Variants in VCL observed in about 807,000 individuals in gnomAD.
VCL encodes vinculin.
In VCL, 47 loss-of-function variants were observed where a neutral mutation model predicts 125.7. The ratio of observed to expected loss-of-function variants is 0.37; its 90% CI spans 0.30 to 0.48. The LOEUF is 0.48. VCL is among the 20% of genes least tolerant of loss of function. VCL has a pLI of 0.99. For synonymous variants in VCL, 458 were observed against 514.6 expected (o/e 0.89, Z 1.49); for missense variants, 1,069 against 1,455.5 (o/e 0.73, Z 4.32).
At position 74,112,443 on chromosome 10, in the gene VCL, A is replaced by C. The variant is rs544417451; in HGVS notation, c.2949+331A>C. 2.0e-5 allele frequency among the ~76,000 whole-genome samples: 3 copies of C among 152,352 alleles called. No homozygotes were observed. In the South Asian group the frequency reaches 6.2e-4, roughly 32 times the overall value. The stretch of plus-strand genomic sequence containing the variant: ...ATCTCTCAATGACTTCCAGGTCAGG[A>C]ACCATGGTAGACCATTACGAGGTCA... On this transcript the variant is annotated intron_variant, in intron 19 of 21. Transcript: ENST00000211998.
At chr10:74,040,435 C>G (rs80134912) in intron 1 of VCL, among the ~76,000 whole-genome samples, 4,319 of 152,278 alleles carry the variant, frequency 0.028, 209 homozygotes, top group African/African-American at 0.098. Context: ...GTCCCTCCTT[C>G]CCCCCACATA....
chr10:74,034,370 T>C (rs924309689), intron 1 of VCL, among the ~76,000 whole-genome samples: 1 of 152,156 alleles, frequency 6.6e-6, no homozygotes, highest in Non-Finnish European at 1.5e-5. Flanking sequence ...TGGCCATGCT[T>C]TCCCATATCT....
rs910885092 is a variant in VCL at position 74,118,138 on chromosome 10, G to A, written c.3374G>A (p.Arg1125His). The A allele has an allele frequency of 5.6e-6, 9 of 1,614,010 alleles. No homozygotes were observed. The highest frequency in any genetic ancestry group is 1.7e-5 in the Admixed American group (1 of 60,006). Residue 1125 changes from arginine to histidine, a missense_variant, in exon 22 of 22, where the codon CGC becomes CAC. By Grantham distance (29) the Arg-to-His change is conservative (BLOSUM62 0). Coordinates refer to ENST00000211998, the MANE Select transcript of VCL (RefSeq NM_014000.3). Reference sequence around the variant, plus strand: ...CGAACAGATGCTGGATTTACACTGCGCTGGGTTAGAAAGACTCCCTGGTAC... The same window carrying A: ...CGAACAGATGCTGGATTTACACTGCACTGGGTTAGAAAGACTCCCTGGTAC... ...KIRTDAGFTL[R>H]WVRKTPWYQ is the part of the protein sequence containing the mutation.
intron 6 of VCL, 124 bp downstream of exon 6, chr10:74,075,027 A>G (rs1233577628): frequency 8.0e-7 from 1 of 1,242,932 alleles, no homozygotes; most frequent in Non-Finnish European, 1.1e-6. Flanking sequence ...AGATATTGTG[A>G]AAGTAATTTC....
chr10:74,066,060 T>C (rs1030161739), intron 2 of VCL, among the ~76,000 whole-genome samples: 2 of 141,338 alleles, frequency 1.4e-5, no homozygotes, highest in Non-Finnish European at 3.0e-5. Flanking sequence ...TATATATATA[T>C]ATTTTTTTTT....
chr10:74,111,132 C>G (rs16931177), intron 18 of VCL, among the ~76,000 whole-genome samples: 80,544 of 151,970 alleles, frequency 0.53, 22,305 homozygotes, highest in Middle Eastern at 0.61. Flanking sequence ...ATGGTAGAAG[C>G]TTTGCCTCAG....
At chr10:74,068,923 A>G (rs1841616927) in intron 2 of VCL, among the ~76,000 whole-genome samples, 1 of 151,786 alleles carries the variant, frequency 6.6e-6, no homozygotes. Flanking sequence ...ATGTATGAAT[A>G]TATATTATAT....
At chr10:74,028,131 A>G (rs1840808974) in intron 1 of VCL, among the ~76,000 whole-genome samples, 1 of 152,196 alleles carries the variant, frequency 6.6e-6, no homozygotes, top group Admixed American at 6.5e-5. Context: ...GCCAGAGTGC[A>G]GTGGTGCAAT....
At chr10:74,053,270 G>A (rs1281820587) in intron 2 of VCL, among the ~76,000 whole-genome samples, 1 of 151,884 alleles carries the variant, frequency 6.6e-6, no homozygotes, top group Non-Finnish European at 1.5e-5. Context: ...TCTAAATCAG[G>A]TTCTAAATTC....
Position 74,066,059 on chromosome 10 carries a change from A to G in VCL, c.240-4611A>G, listed in dbSNP as rs993855978. ...TAAATCAATTTTGGTATATATATAT[A>G]TATTTTTTTTTTTTTTTGAGATGGA... On this transcript the variant is annotated intron_variant, in intron 2 of 21. Coordinates refer to ENST00000211998, the MANE Select transcript of VCL (RefSeq NM_014000.3). 1.1e-4 allele frequency among the ~76,000 whole-genome samples: 16 copies of G among 141,898 alleles called. 1 individual carries two copies. The highest frequency in any genetic ancestry group is 2.4e-4 in the Non-Finnish European group (16 of 66,374). The allele number at this position is 141,898 out of a possible 152,430, so 93.1% of individuals were successfully genotyped here. A position where few individuals can be genotyped will look rare whatever the true frequency, so the allele number is the denominator to read the frequency against.
intron 6 of VCL, among the ~76,000 whole-genome samples, chr10:74,081,724 T>C (rs1198845770): frequency 1.3e-5 from 2 of 152,242 alleles, no homozygotes; most frequent in African/African-American, 4.8e-5. Context: ...TTTATGCTAG[T>C]TTCCTGATAG....
chr10:74,032,709 AATATATATAT>A (rs71482564), intron 1 of VCL, among the ~76,000 whole-genome samples: 1 of 138,072 alleles, frequency 7.2e-6, no homozygotes, highest in East Asian at 2.0e-4. Flanking sequence ...CAAAAAAAAA[AATATATATAT>A]ATATATATAT....
chr10:74,089,467 A>G lies in VCL; in HGVS notation c.1176+118A>G. ...TACTGTGGTTGGATAATGGTTTCTA[A>G]GTGATGAGTGACTTCCAGCACTTAC... On this transcript the variant is annotated intron_variant, in intron 9 of 21. Coordinates refer to ENST00000211998, the MANE Select transcript of VCL (RefSeq NM_014000.3). 4.8e-6 allele frequency: 7 copies of G among 1,461,798 alleles called. No individual in the cohort carries two copies. In the South Asian group the frequency reaches 6.0e-5, roughly 13 times the overall value. The allele number at this position is 1,461,798 out of a possible 1,614,324, so 90.6% of individuals were successfully genotyped here.
chr10:74,006,634 A>G (rs1840328099), intron 1 of VCL, among the ~76,000 whole-genome samples: 1 of 152,342 alleles, frequency 6.6e-6, no homozygotes, highest in Non-Finnish European at 1.5e-5. Flanking sequence ...TATTGACGTG[A>G]TGCCACTTGT....
chr10:74,050,356 C>T (rs1034024026), intron 2 of VCL, among the ~76,000 whole-genome samples: 1 of 152,218 alleles, frequency 6.6e-6, no homozygotes, highest in Non-Finnish European at 1.5e-5. Flanking sequence ...CCATTATTCA[C>T]ATTTCTTGGG....
chr10:74,055,530 A>G (rs1023790867), intron 2 of VCL, among the ~76,000 whole-genome samples: 1 of 143,878 alleles, frequency 7.0e-6, no homozygotes, highest in Non-Finnish European at 1.5e-5. Flanking sequence ...GAAAAAAAAA[A>G]TTTTTTTTTT....
chr10:74,117,282 G>GA (rs774908704), intron 21 of VCL, among the ~76,000 whole-genome samples: 10 of 152,126 alleles, frequency 6.6e-5, no homozygotes, highest in Non-Finnish European at 8.8e-5. Context: ...TATGAAGACA[G>GA]AAAAAACCCT....
chr10:74,005,865 T>C (rs1168989283), intron 1 of VCL, among the ~76,000 whole-genome samples: 4 of 152,156 alleles, frequency 2.6e-5, no homozygotes, highest in Admixed American at 2.6e-4. Context: ...TTTATTGTTG[T>C]ATTGTTTTTT....
chr10:74,070,820 G>T lies in VCL; in HGVS notation c.390G>T (p.Glu130Asp). 1 of 1,613,978 alleles carries T rather than the reference G, an allele frequency of 6.2e-7. No individual in the cohort carries two copies. The highest frequency in any genetic ancestry group is 8.5e-7 in the Non-Finnish European group (1 of 1,180,010). ...TGCTCCTTACCTTCGATGAGGCTGA[G>T]GTAGGCAATCTGAGACAAAAAGCCT... is the stretch of plus-strand genomic sequence containing the variant. ...SDLLLTFDEA[E>D]VRKIIRVCKG... The change falls in exon 3 of 22, where the codon GAG (glutamate) becomes GAT (aspartate). Residue 130 changes from glutamate to aspartate, a missense_variant and splice_region_variant. By Grantham distance (45) the Glu-to-Asp change is conservative. Around this residue, in one of 6 missense-constraint regions of VCL, gnomAD observed 760 missense variants for 928.9 expected, o/e 0.82. Transcript: ENST00000211998.
Sources: allele counts gnomAD v4.1 joint callset (sites outside exome capture counted in the v4.1 genomes callset), GRCh38; gene constraint gnomAD v4.1.1; regional missense constraint gnomAD v4.1.1; transcripts MANE v1.5; gene names NCBI Gene and HGNC (gene_info 2026-07-23, HGNC 2026-07-21).